The following CFAP46 variants were observed in gnomAD, a reference collection of about 807,000 sequenced individuals.
The protein encoded by CFAP46 is cilia- and flagella-associated protein 46.
Under a neutral mutation model 325.7 loss-of-function variants are expected in CFAP46, and 245 were observed. The ratio of observed to expected loss-of-function variants is 0.75; its 90% CI spans 0.68 to 0.84. The LOEUF (loss-of-function observed/expected upper bound fraction) is 0.84, where lower values mean the gene tolerates loss of function less well. Among genes scored for constraint, CFAP46 ranks in the 40% least tolerant of loss-of-function variants. CFAP46 has a pLI of 0.00. For missense variants in CFAP46, 3,346 were observed against 3,543.0 expected (o/e 0.94, Z 1.41); for synonymous variants, 1,523 against 1,495.9 (o/e 1.02, Z -0.42).
chr10:132,865,255 C>T (rs1409546510), intron 35 of CFAP46, among the ~76,000 whole-genome samples: 1 of 152,174 alleles, frequency 6.6e-6, no homozygotes, highest in Non-Finnish European at 1.5e-5. Flanking sequence ...AGAAAAGCAC[C>T]CGTGGGCCTC....
rs115176330 is a variant in CFAP46, at chr10:132,854,196, T to C, written c.5575-2891A>G. 5.7e-3 allele frequency among the ~76,000 whole-genome samples: 874 copies of C among 152,376 alleles called. 7 individuals are homozygous for C. Among genetic ancestry groups the C allele is most frequent in the African/African-American group, 0.019 (804 of 41,582 alleles). ...ATTGGCAACATCTTAAACACTTTGATAGGTGTTTTTTTATTCCCTTCAGTT... is the reference window on the plus strand; with the variant it reads ...ATTGGCAACATCTTAAACACTTTGACAGGTGTTTTTTTATTCCCTTCAGTT... On this transcript the variant is annotated intron_variant, in intron 39 of 57. Transcript: ENST00000368586.
intron 24 of CFAP46, among the ~76,000 whole-genome samples, 154 bp from the exon 25 acceptor site, chr10:132,892,571 A>T (rs1213197856): frequency 6.6e-6 from 1 of 152,206 alleles, no homozygotes; most frequent in Admixed American, 6.5e-5. Context: ...ACAATGTTGT[A>T]CCGGCCACTA....
intron 9 of CFAP46, among the ~76,000 whole-genome samples, chr10:132,928,588 C>T (rs1389841537): frequency 6.6e-6 from 1 of 152,226 alleles, no homozygotes; most frequent in East Asian, 1.9e-4. Flanking sequence ...ATGGCCGTGT[C>T]TCCTGCGCCA....
At chr10:132,904,524 A>G (rs1488411578) in intron 22 of CFAP46, among the ~76,000 whole-genome samples, 3 of 152,260 alleles carry the variant, frequency 2.0e-5, no homozygotes, top group Non-Finnish European at 4.4e-5. Flanking sequence ...CCCTGTCACC[A>G]TATGTTTAAA....
chr10:132,878,067 T>G lies in CFAP46; in HGVS notation c.4026A>C (p.Gly1342=). The change falls in exon 30 of 58, where the codon GGA becomes GGC. Residue 1342 remains glycine, a synonymous_variant. Coordinates refer to ENST00000368586, the MANE Select transcript of CFAP46 (RefSeq NM_001200049.3). ...HIWQVSLMTA[G]KSVLENRPLA... ...GGGGTCTGTTTTCCAGAACTGATTT[T>G]CCTGCTGTCATCAAAGAAACCTGGT... is the stretch of plus-strand genomic sequence containing the variant. The G allele has an allele frequency of 1.3e-6, 2 of 1,547,680 alleles. No individual in the cohort carries two copies. Among genetic ancestry groups the G allele is most frequent in the Non-Finnish European group, 1.7e-6 (2 of 1,145,560 alleles).
chr10:132,867,398 T>TCC lies in CFAP46; in HGVS notation c.4719_4720insGG (p.Lys1574GlyfsTer11). 1 of 1,550,402 alleles carries TCC rather than the reference T, an allele frequency of 6.4e-7. No homozygotes were observed. ...ACCTTGTCCTTGGCGTCCAGTGGTT[T>TCC]GATCTCCCCAGGCTGGACAGGAAGT... is the stretch of plus-strand genomic sequence containing the variant. On this transcript the variant is annotated frameshift_variant, in exon 34 of 58. Transcript: ENST00000368586. LOFTEE classifies it high-confidence loss of function.
At chr10:132,850,162 G>T in intron 41 of CFAP46, 82 bp downstream of exon 41, 1 of 1,372,954 alleles carries the variant, frequency 7.3e-7, no homozygotes, top group Non-Finnish European at 1.0e-6. Context: ...AATCACAGGA[G>T]TCCTAAACAC....
At chr10:132,941,516 G>T in intron 3 of CFAP46, 75 bp downstream of exon 3, 1 of 1,542,760 alleles carries the variant, frequency 6.5e-7, no homozygotes, top group Non-Finnish European at 8.8e-7. Context: ...TTTAAGCCTG[G>T]TCTAGCCTGG....
At chr10:132,878,152 T>TC (rs1387560060) in intron 29 of CFAP46, 65 bp from the exon 30 acceptor site, 1 of 1,450,408 alleles carries the variant, frequency 6.9e-7, no homozygotes, top group Non-Finnish European at 9.4e-7. Context: ...CTGCCCACCC[T>TC]CCACTCCTGG....
intron 44 of CFAP46, among the ~76,000 whole-genome samples, chr10:132,840,452 T>C (rs1848330516): frequency 6.6e-6 from 1 of 152,220 alleles, no homozygotes. Context: ...GATGTTGTAT[T>C]GATTTGTCCT....
At chr10:132,837,012 C>T (rs1848261938) in intron 44 of CFAP46, 98 bp from the exon 45 acceptor site, 4 of 951,532 alleles carry the variant, frequency 4.2e-6, no homozygotes, top group Admixed American at 1.9e-5. Flanking sequence ...GGCAGAGCCA[C>T]GGCGGGGGCT....
At chr10:132,829,085 A>G (rs1848107811) in intron 50 of CFAP46, among the ~76,000 whole-genome samples, 1 of 49,356 alleles carries the variant, frequency 2.0e-5, no homozygotes, top group Admixed American at 3.2e-4. Context: ...AACTTCTACA[A>G]AAAAAAAAAA....
At chr10:132,900,329 G>A (rs970399904) in intron 22 of CFAP46, among the ~76,000 whole-genome samples, 6 of 152,172 alleles carry the variant, frequency 3.9e-5, no homozygotes, top group African/African-American at 9.7e-5. Flanking sequence ...TCAGCTCCAC[G>A]GCTCCTCATC....
At position 132,942,019 on chromosome 10, in the gene CFAP46, G is replaced by T; in HGVS notation, c.135C>A (p.Ser45Arg). 1 of 1,551,876 alleles carries T rather than the reference G, an allele frequency of 6.4e-7. No individual in the cohort carries two copies. Among genetic ancestry groups the T allele is most frequent in the South Asian group, 1.2e-5 (1 of 84,064 alleles). The change falls in exon 2 of 58, where the codon AGC becomes AGA. Residue 45 changes from serine to arginine, a missense_variant. Transcript: ENST00000368586. The part of the protein sequence containing the change: ...KSEFDPSESF[S>R]PDLFVLCAEQ... ...CTGCACACAGAACAAACAGGTCTGG[G>T]CTGAAGCTCTCTGAGGGGTCAAACT... is the stretch of plus-strand genomic sequence containing the variant.
intron 25 of CFAP46, among the ~76,000 whole-genome samples, chr10:132,891,430 G>A (rs1288061836): frequency 2.0e-5 from 3 of 152,242 alleles, no homozygotes; most frequent in African/African-American, 7.2e-5. Context: ...AAGGCTGACA[G>A]AGTGGACGCT....
At chr10:132,875,821 A>G (rs1848949866) in intron 31 of CFAP46, among the ~76,000 whole-genome samples, 2 of 152,222 alleles carry the variant, frequency 1.3e-5, no homozygotes. Context: ...AAACATCAAA[A>G]AAAAGGACAC....
At position 132,834,035 on chromosome 10, in the gene CFAP46, A is replaced by C; in HGVS notation, c.6949+6T>G. 6.2e-7 allele frequency: 1 copy of C among 1,613,280 alleles called. No homozygotes were observed. The highest frequency in any genetic ancestry group is 8.5e-7 in the Non-Finnish European group (1 of 1,179,592). On this transcript the variant is annotated splice_donor_region_variant and intron_variant, in intron 49 of 57. Coordinates refer to ENST00000368586, the MANE Select transcript of CFAP46 (RefSeq NM_001200049.3). ...CAGGCTGAGTGGCCACGCCCGCCCC[A>C]CTCACTGTGTTGTCCTGTGGACGTT...
Position 132,906,689 on chromosome 10 carries a change from T to A in CFAP46, c.2924+1779A>T, listed in dbSNP as rs1849461217. Reference sequence around the variant, plus strand: ...TGGGCACTGAGAAGAGTGAACGGGGTCCTGGCGCGTGATGCCCCGTCCTGG... The same window carrying A: ...TGGGCACTGAGAAGAGTGAACGGGGACCTGGCGCGTGATGCCCCGTCCTGG... On this transcript the variant is annotated intron_variant, in intron 22 of 57. Coordinates refer to ENST00000368586, the MANE Select transcript of CFAP46 (RefSeq NM_001200049.3). Among the ~76,000 whole-genome samples, 6 of 64,468 alleles carry A rather than the reference T, an allele frequency of 9.3e-5. No individual in the cohort carries two copies. The South Asian group carries it at 4.0e-3, about 44-fold the overall frequency. 42.3% of individuals were successfully genotyped at this position (64,468 alleles called of 152,430 possible).
intron 56 of CFAP46, 180 bp downstream of exon 56, chr10:132,810,770 C>G (rs980130463): frequency 2.7e-6 from 2 of 741,100 alleles, no homozygotes; most frequent in East Asian, 5.4e-5. Context: ...CCGGCTGAGC[C>G]GCCCCCCTCC....
Sources: gnomAD v4.1 joint callset for allele counts (sites outside exome capture counted in the v4.1 genomes callset) on GRCh38, gnomAD v4.1.1 for gene constraint, MANE v1.5 for transcripts, NCBI Gene and HGNC (gene_info 2026-07-23, HGNC 2026-07-21) for gene names.